The following SORT1 variants were observed in gnomAD, a reference collection of about 807,000 sequenced individuals.
SORT1 encodes the protein sortilin 1.
In SORT1, 39 loss-of-function variants were observed where a neutral mutation model predicts 101.7. The ratio of observed to expected loss-of-function variants is 0.38; its 90% CI spans 0.30 to 0.50. The LOEUF is 0.50. SORT1 is among the 20% of genes least tolerant of loss of function. SORT1 has a pLI of 0.90. For synonymous variants in SORT1, 396 were observed against 393.7 expected, an observed-to-expected ratio of 1.01 and a Z score of -0.07; for missense variants, 878 against 1,040.4, an observed-to-expected ratio of 0.84 and a Z score of 2.15.
At chr1:109,347,357 C>G in intron 7 of SORT1, 126 bp downstream of exon 7, 1 of 630,774 alleles carries the variant, frequency 1.6e-6, no homozygotes, top group Non-Finnish European at 2.8e-6. Flanking sequence ...CCACTAACAG[C>G]TTTCTTTAGC....
rs191887918 is a variant in SORT1 at position 109,355,782 on chromosome 1, T to C, written c.441-313A>G. ...GAAGCACACTGCCTCCCACTTATGA[T>C]AGCTACCTGATAAAATGGTCTATAT... On this transcript the variant is annotated intron_variant, in intron 3 of 19. Transcript: ENST00000256637. Among the ~76,000 whole-genome samples, 9 of 152,124 alleles carry C rather than the reference T, an allele frequency of 5.9e-5. No homozygotes were observed. The South Asian group carries it at 8.3e-4, about 14-fold the overall frequency.
chr1:109,350,414 C>A (rs1220876148), intron 6 of SORT1, among the ~76,000 whole-genome samples: 1 of 152,184 alleles, frequency 6.6e-6, no homozygotes, highest in Non-Finnish European at 1.5e-5. Context: ...TCCACTCCAT[C>A]CTCTTTAAGC....
intron 9 of SORT1, 82 bp from the exon 10 acceptor site, chr1:109,340,961 C>T: frequency 4.5e-6 from 5 of 1,116,102 alleles, no homozygotes; most frequent in Admixed American, 5.0e-5. Context: ...ACACGATTAC[C>T]TGCCTGACCA....
chr1:109,352,493 G>A (rs887527440), intron 5 of SORT1, among the ~76,000 whole-genome samples: 1 of 152,184 alleles, frequency 6.6e-6, no homozygotes, highest in Non-Finnish European at 1.5e-5. Context: ...CCGGCAATGT[G>A]AGCTTACTGA....
chr1:109,317,043 G>A lies in SORT1; in HGVS notation c.2142-85C>T, dbSNP rs894416728. 8 of 904,204 alleles carry A rather than the reference G, an allele frequency of 8.8e-6. No individual in the cohort carries two copies. In the African/African-American group the frequency reaches 1.4e-4, roughly 15 times the overall value. The allele number at this position is 904,204 out of a possible 1,614,324, so 56.0% of individuals were successfully genotyped here. A position where few individuals can be genotyped will look rare whatever the true frequency, so the allele number is the denominator to read the frequency against. ...ATTTCTTGGAAACAAGATTTGAAAAGCTGCCGAAAAGCTTCCCATCCTTAC... is the reference window on the plus strand; with the variant it reads ...ATTTCTTGGAAACAAGATTTGAAAAACTGCCGAAAAGCTTCCCATCCTTAC... On this transcript the variant is annotated intron_variant, in intron 16 of 19. Transcript: ENST00000256637.
At chr1:109,386,539 G>A (rs1317286537) in intron 1 of SORT1, among the ~76,000 whole-genome samples, 1 of 152,152 alleles carries the variant, frequency 6.6e-6, no homozygotes, top group African/African-American at 2.4e-5. Flanking sequence ...CCAGGAAGTG[G>A]TGAAATAGTA....
chr1:109,365,585 T>C (rs750754242), intron 3 of SORT1, among the ~76,000 whole-genome samples: 84 of 152,330 alleles, frequency 5.5e-4, no homozygotes, highest in Admixed American at 9.2e-4. Flanking sequence ...GATTCTAAAA[T>C]ATAGTCAATC....
At chr1:109,389,192 T>C (rs890381265) in intron 1 of SORT1, among the ~76,000 whole-genome samples, 3 of 152,224 alleles carry the variant, frequency 2.0e-5, no homozygotes, top group Non-Finnish European at 4.4e-5. Flanking sequence ...TAAGGAATTA[T>C]ACAAATCATA....
rs141224965 is a variant in SORT1, at chr1:109,394,570, G to A, written c.306+3017C>T. On this transcript the variant is annotated intron_variant, in intron 1 of 19. Transcript: ENST00000256637. ...CGCACTATTATGCTTTAGCTTTACC[G>A]TGCTTTCTTGAGAAGACAGGTTAAA... Among the ~76,000 whole-genome samples the A allele has an allele frequency of 4.5e-3, 690 of 152,266 alleles. 5 individuals carry two copies. The highest frequency in any genetic ancestry group is 0.038 in the South Asian group (182 of 4,822).
Position 109,323,101 on chromosome 1 carries a change from T to C in SORT1, c.1855A>G (p.Ile619Val), listed in dbSNP as rs1647750270. 3.1e-6 allele frequency: 5 copies of C among 1,613,872 alleles called. No individual in the cohort carries two copies. The highest frequency in any genetic ancestry group is 1.6e-4 in the Middle Eastern group (1 of 6,084). Residue 619 changes from isoleucine (I) to valine (V), a missense_variant, in exon 15 of 20, where the codon ATA (isoleucine) becomes GTA (valine). Ile to Val is a conservative substitution (Grantham distance 29). Around this residue, in one of 2 missense-constraint regions of SORT1, gnomAD observed 684 missense variants for 894.5 expected, o/e 0.76. Coordinates refer to ENST00000256637, the MANE Select transcript of SORT1 (RefSeq NM_002959.7). ...ERNCEEKDYT[I>V]WLAHSTDPED... is the part of the protein sequence containing the mutation. ...GGGTCTGTGGAGTGTGCCAGCCATA[T>C]GGTATAGTCCTTCTCTTCACCTAAA...
intron 10 of SORT1, among the ~76,000 whole-genome samples, chr1:109,339,513 T>C (rs1649067676): frequency 6.6e-6 from 1 of 152,212 alleles, no homozygotes; most frequent in African/African-American, 2.4e-5. Flanking sequence ...CTTTAGTCAT[T>C]AGAGAAATGC....
At chr1:109,347,626 G>A in intron 6 of SORT1, 94 bp from the exon 7 acceptor site, 1 of 853,728 alleles carries the variant, frequency 1.2e-6, no homozygotes, top group Non-Finnish European at 2.0e-6. Flanking sequence ...GGTCTAACAA[G>A]CTTCATTCAC....
chr1:109,378,729 T>TG (rs1652024038), intron 1 of SORT1, among the ~76,000 whole-genome samples: 1 of 96,848 alleles, frequency 1.0e-5, no homozygotes, highest in Non-Finnish European at 2.0e-5. Flanking sequence ...TATATATATA[T>TG]ATATATATAT....
chr1:109,359,475 C>T (rs1360666912), intron 3 of SORT1, among the ~76,000 whole-genome samples: 1 of 151,894 alleles, frequency 6.6e-6, no homozygotes. Flanking sequence ...TTCATTACAT[C>T]CCAGCAGCCT....
chr1:109,343,930 G>A (rs1181540602), intron 8 of SORT1, among the ~76,000 whole-genome samples: 3 of 152,196 alleles, frequency 2.0e-5, no homozygotes, highest in East Asian at 1.9e-4. Flanking sequence ...GGATTAAGGC[G>A]TGAGCCACCA....
In SORT1 at chr1:109,312,531, C is replaced by T. The variant is rs909698684; in HGVS notation, c.*1512G>A. On this transcript the variant is annotated 3_prime_UTR_variant, in exon 20 of 20. Coordinates refer to ENST00000256637, the MANE Select transcript of SORT1 (RefSeq NM_002959.7). ...CTTCAAATAAAAAAAAAAAAAAACA[C>T]ACAAAACTGACTTTCTAGCCACAAA... 5 of 148,970 alleles carry T rather than the reference C, an allele frequency of 3.4e-5. No homozygotes were observed. Among genetic ancestry groups the T allele is most frequent in the Non-Finnish European group, 7.5e-5 (5 of 67,040 alleles). 9.2% of individuals were successfully genotyped at this position (148,970 alleles called of 1,614,324 possible). A position where few individuals can be genotyped will look rare whatever the true frequency, so the allele number is the denominator to read the frequency against.
chr1:109,319,589 G>A (rs1051972350), intron 15 of SORT1, among the ~76,000 whole-genome samples: 7 of 152,110 alleles, frequency 4.6e-5, no homozygotes, highest in African/African-American at 1.2e-4. Flanking sequence ...TGTCTGGGCC[G>A]GGCGTGGTGG....
rs1465764967 is a variant in SORT1, at chr1:109,322,994, A to T, written c.1962T>A (p.Gly654=). The T allele has an allele frequency of 6.2e-7, 1 of 1,614,206 alleles. No homozygotes were observed. Among genetic ancestry groups the T allele is most frequent in the Admixed American group, 1.7e-5 (1 of 60,022 alleles). The part of the protein sequence containing the change: ...RLRKSSVCQN[G]RDYVVTKQPS... ...GCTGCTTGGTCACAACATAGTCTCG[A>T]CCATTCTGACACACGGATGACTTGC... The change falls in exon 15 of 20, where the codon GGT becomes GGA. Residue 654 remains glycine (G), a synonymous_variant. Coordinates refer to ENST00000256637, the MANE Select transcript of SORT1 (RefSeq NM_002959.7).
At chr1:109,368,890 A>T (rs1476991464) in intron 2 of SORT1, 1 of 152,404 alleles carries the variant, frequency 6.6e-6, no homozygotes, top group African/African-American at 2.4e-5. Context: ...GTTTCTATAT[A>T]GGGGTTTCCC....
Sources: allele counts gnomAD v4.1 joint callset (sites outside exome capture counted in the v4.1 genomes callset), GRCh38; gene constraint gnomAD v4.1.1; regional missense constraint gnomAD v4.1.1; transcripts MANE v1.5; gene names NCBI Gene and HGNC (gene_info 2026-07-23, HGNC 2026-07-21).